GPR141: variants seen among roughly 807,000 people sequenced by gnomAD.
GPR141 encodes probable G protein-coupled receptor 141.
GPR141 carries 6 observed loss-of-function variants against 6.8 expected under a neutral mutation model. The ratio of observed to expected loss-of-function variants is 0.88; its 90% CI spans 0.48 to 1.74. The LOEUF is 1.74. Among genes scored for constraint, GPR141 ranks in the 40% most tolerant of loss-of-function variants. The pLI, the probability that GPR141 is intolerant of heterozygous loss-of-function variation, is 0.01. For missense variants in GPR141, 372 were observed against 372.9 expected, an observed-to-expected ratio of 1.00 and a Z score of 0.02; for synonymous variants, 140 against 142.3, an observed-to-expected ratio of 0.98 and a Z score of 0.11.
intron 2 of GPR141, among the ~76,000 whole-genome samples, chr7:37,686,904 A>G (rs1427211619): frequency 2.0e-5 from 3 of 152,166 alleles, no homozygotes; most frequent in African/African-American, 7.2e-5. Context: ...ACTCTCTGGG[A>G]TGGCGTGAGT....
intron 2 of GPR141, among the ~76,000 whole-genome samples, chr7:37,708,466 A>C (rs1275593404): frequency 6.6e-6 from 1 of 152,160 alleles, no homozygotes; most frequent in Admixed American, 6.5e-5. Context: ...TGGTGTCCCA[A>C]TAAGGTGCCA....
At chr7:37,699,802 G>A (rs921929693) in intron 2 of GPR141, among the ~76,000 whole-genome samples, 2 of 152,132 alleles carry the variant, frequency 1.3e-5, no homozygotes, top group East Asian at 3.8e-4. Flanking sequence ...ATGTTGTGAG[G>A]TTTTGTTTTT....
chr7:37,692,114 T>C (rs1809803850), intron 2 of GPR141, among the ~76,000 whole-genome samples: 1 of 152,170 alleles, frequency 6.6e-6, no homozygotes, highest in Non-Finnish European at 1.5e-5. Context: ...GTTATCTATA[T>C]TAGGTATTTC....
chr7:37,719,954 C>A (rs533813133), intron 2 of GPR141, among the ~76,000 whole-genome samples: 3 of 152,066 alleles, frequency 2.0e-5, no homozygotes, highest in African/African-American at 7.2e-5. Context: ...TGGGGAGCAG[C>A]AGGAATAATG....
At chr7:37,736,324 TAG>T (rs1434008594) in intron 2 of GPR141, among the ~76,000 whole-genome samples, 1 of 151,360 alleles carries the variant, frequency 6.6e-6, no homozygotes, top group East Asian at 1.9e-4. Flanking sequence ...CAGAAAAAAT[TAG>T]AGACAGAAGG....
intron 2 of GPR141, among the ~76,000 whole-genome samples, chr7:37,720,537 C>T (rs1044363580): frequency 1.3e-5 from 2 of 152,168 alleles, no homozygotes; most frequent in Non-Finnish European, 1.5e-5. Context: ...GTCAGGAGAT[C>T]GAGACCATCC....
Position 37,741,378 on chromosome 7 carries a change from A to G in GPR141, c.*67A>G. The stretch of plus-strand genomic sequence containing the variant: ...AATAAAAATGGGTATAGGGGAGGTA[A>G]GAATGGTATTTCATTACTTGATCAA... On this transcript the variant is annotated 3_prime_UTR_variant, in exon 3 of 3. Coordinates refer to ENST00000334425, the MANE Select transcript of GPR141 (RefSeq NM_001381946.1). The G allele has an allele frequency of 5.9e-6, 7 of 1,178,358 alleles. No homozygotes were observed. The highest frequency in any genetic ancestry group is 8.4e-6 in the Non-Finnish European group (7 of 831,550). The allele number at this position is 1,178,358 out of a possible 1,614,324, so 73.0% of individuals were successfully genotyped here.
chr7:37,696,466 C>A (rs1218464114), intron 2 of GPR141, among the ~76,000 whole-genome samples: 1 of 152,120 alleles, frequency 6.6e-6, no homozygotes, highest in African/African-American at 2.4e-5. Context: ...ACCTGTTGCT[C>A]CTGCAAACAT....
chr7:37,720,318 C>CT (rs35853886), intron 2 of GPR141, among the ~76,000 whole-genome samples: 41,983 of 152,150 alleles, frequency 0.28, 5,942 homozygotes, highest in East Asian at 0.43. Context: ...CCATCAATGG[C>CT]TTTACATGGC....
intron 2 of GPR141, among the ~76,000 whole-genome samples, chr7:37,716,918 T>C (rs1204194204): frequency 1.3e-5 from 2 of 152,268 alleles, no homozygotes; most frequent in African/African-American, 4.8e-5. Flanking sequence ...AGGGTTTTCC[T>C]TTACAGATTG....
intron 2 of GPR141, among the ~76,000 whole-genome samples, chr7:37,729,338 C>G (rs1811799146): frequency 6.6e-6 from 1 of 152,152 alleles, no homozygotes; most frequent in South Asian, 2.1e-4. Flanking sequence ...AGGTCCACAG[C>G]CAGCCAGAGA....
intron 2 of GPR141, among the ~76,000 whole-genome samples, chr7:37,700,761 T>C (rs1810244411): frequency 1.3e-5 from 2 of 152,230 alleles, no homozygotes; most frequent in Non-Finnish European, 2.9e-5. Context: ...CCTACATATT[T>C]CTATGGATAA....
At chr7:37,736,333 A>C (rs923693058) in intron 2 of GPR141, among the ~76,000 whole-genome samples, 1 of 152,148 alleles carries the variant, frequency 6.6e-6, no homozygotes, top group Non-Finnish European at 1.5e-5. Flanking sequence ...TTAGAGACAG[A>C]AGGAAAGCAG....
intron 2 of GPR141, among the ~76,000 whole-genome samples, chr7:37,709,027 A>G (rs1250719286): frequency 6.6e-6 from 1 of 152,200 alleles, no homozygotes; most frequent in African/African-American, 2.4e-5. Flanking sequence ...AAGCTATAGC[A>G]CCTATTTTGA....
At chr7:37,728,953 A>G (rs1171728058) in intron 2 of GPR141, among the ~76,000 whole-genome samples, 2 of 152,184 alleles carry the variant, frequency 1.3e-5, no homozygotes, top group Non-Finnish European at 1.5e-5. Context: ...AAGTGAAATC[A>G]TTGATGATGC....
intron 2 of GPR141, among the ~76,000 whole-genome samples, chr7:37,738,080 G>A (rs1315229376): frequency 6.6e-6 from 1 of 152,188 alleles, no homozygotes; most frequent in Non-Finnish European, 1.5e-5. Context: ...GTTTTCGGGA[G>A]TGTATGTGTG....
At chr7:37,687,973 C>G (rs879609950) in intron 2 of GPR141, among the ~76,000 whole-genome samples, 1 of 152,088 alleles carries the variant, frequency 6.6e-6, no homozygotes, top group Non-Finnish European at 1.5e-5. Flanking sequence ...TCTGTTGCAA[C>G]GATACAACTT....
At chr7:37,728,467 G>A (rs1006230450) in intron 2 of GPR141, among the ~76,000 whole-genome samples, 6 of 152,144 alleles carry the variant, frequency 3.9e-5, no homozygotes, top group African/African-American at 1.4e-4. Context: ...TGAGCATTTG[G>A]ATTATTTAAT....
intron 2 of GPR141, among the ~76,000 whole-genome samples, chr7:37,703,914 G>T (rs1810406953): frequency 6.6e-6 from 1 of 151,418 alleles, no homozygotes. Flanking sequence ...GTAATTTTTG[G>T]TTATTTTTCA....
Sources: allele counts gnomAD v4.1 joint callset (sites outside exome capture counted in the v4.1 genomes callset), GRCh38; gene constraint gnomAD v4.1.1; transcripts MANE v1.5; gene names NCBI Gene and HGNC (gene_info 2026-07-23, HGNC 2026-07-21).